Variants in NLGN1 observed in about 807,000 individuals in gnomAD.
The protein encoded by NLGN1 is neuroligin-1.
A neutral mutation model predicts 65.5 loss-of-function variants in NLGN1; 12 were observed. That is an observed-to-expected ratio of 0.18 (90% confidence interval 0.12 to 0.30). The LOEUF is 0.30. Ranked by LOEUF, NLGN1 falls within the 10% of genes least tolerant of loss-of-function variation. The pLI is 1.00. For missense variants in NLGN1, 750 were observed against 1,007.1 expected (o/e 0.74, Z 3.46); for synonymous variants, 350 against 359.5 (o/e 0.97, Z 0.30).
intron 4 of NLGN1, among the ~76,000 whole-genome samples, chr3:173,865,607 G>T (rs1241148855): frequency 6.6e-6 from 1 of 152,072 alleles, no homozygotes; most frequent in Non-Finnish European, 1.5e-5. Context: ...ACTTGATCAA[G>T]ATTACCCAGC....
intron 4 of NLGN1, among the ~76,000 whole-genome samples, chr3:174,036,032 A>G (rs1731069636): frequency 1.3e-5 from 2 of 152,204 alleles, no homozygotes; most frequent in South Asian, 4.1e-4. Context: ...ATAAAGAGAT[A>G]GATGGTATCT....
intron 2 of NLGN1, among the ~76,000 whole-genome samples, chr3:173,595,340 A>G (rs546092642): frequency 1.3e-5 from 2 of 152,310 alleles, no homozygotes; most frequent in Non-Finnish European, 1.5e-5. Context: ...TCTCCAGGGC[A>G]GAAGCAAAAT....
chr3:174,065,922 C>T (rs1738447738), intron 4 of NLGN1, among the ~76,000 whole-genome samples: 1 of 152,018 alleles, frequency 6.6e-6, no homozygotes, highest in South Asian at 2.1e-4. Flanking sequence ...CTGAATCTTG[C>T]CAACAATCAC....
At chr3:173,415,943 A>AGAGAGAGAGAGAGCGCGC (rs141095727) in intron 1 of NLGN1, among the ~76,000 whole-genome samples, 27 of 142,866 alleles carry the variant, frequency 1.9e-4, no homozygotes, top group African/African-American at 7.3e-4. Context: ...AGAGAGAGAG[A>AGAGAGAGAGAGAGCGCGC]GCTTGGTATA....
At chr3:173,457,025 T>G (rs779630841) in intron 2 of NLGN1, among the ~76,000 whole-genome samples, 1 of 152,106 alleles carries the variant, frequency 6.6e-6, no homozygotes, top group Admixed American at 6.6e-5. Context: ...TTTTGCATCT[T>G]CTAGCATTAC....
chr3:173,826,421 A>G (rs1721348949), intron 4 of NLGN1, among the ~76,000 whole-genome samples: 1 of 152,076 alleles, frequency 6.6e-6, no homozygotes, highest in Non-Finnish European at 1.5e-5. Context: ...CTTAACTGCA[A>G]CAGGACTGGG....
At chr3:173,847,101 A>G (rs1411232847) in intron 4 of NLGN1, among the ~76,000 whole-genome samples, 2 of 152,336 alleles carry the variant, frequency 1.3e-5, no homozygotes, top group East Asian at 1.9e-4. Flanking sequence ...TGAAAAGTAT[A>G]TAAAAGATGC....
intron 1 of NLGN1, among the ~76,000 whole-genome samples, chr3:173,414,169 T>C (rs1355355617): frequency 6.6e-6 from 1 of 152,206 alleles, no homozygotes; most frequent in Non-Finnish European, 1.5e-5. Context: ...TCACATCTTG[T>C]TATTTCAAGC....
At chr3:173,688,224 G>A (rs1378988562) in intron 3 of NLGN1, among the ~76,000 whole-genome samples, 7 of 152,120 alleles carry the variant, frequency 4.6e-5, no homozygotes, top group African/African-American at 1.4e-4. Flanking sequence ...TTTGTAAACC[G>A]TTAAGCCAAT....
intron 4 of NLGN1, among the ~76,000 whole-genome samples, chr3:173,926,302 T>A (rs1307760712): frequency 6.6e-6 from 1 of 152,194 alleles, no homozygotes; most frequent in Non-Finnish European, 1.5e-5. Context: ...CTAATTATGA[T>A]TTAAGTATAC....
chr3:174,078,802 T>C (rs894188372), intron 4 of NLGN1, among the ~76,000 whole-genome samples: 2 of 152,186 alleles, frequency 1.3e-5, no homozygotes, highest in Admixed American at 6.5e-5. Context: ...AGAAGAAACA[T>C]TGGATTTGTT....
intron 4 of NLGN1, among the ~76,000 whole-genome samples, chr3:173,857,375 G>A (rs560920069): frequency 2.2e-4 from 33 of 152,120 alleles, no homozygotes; most frequent in African/African-American, 7.9e-4. Context: ...CAGCTTCATG[G>A]TTTGTACAGA....
chr3:174,189,343 G>A (rs1731969659), intron 4 of NLGN1, among the ~76,000 whole-genome samples: 1 of 151,932 alleles, frequency 6.6e-6, no homozygotes, highest in African/African-American at 2.4e-5. Context: ...GGTGAGCATA[G>A]CTCCAGTGTT....
At chr3:174,065,095 T>C (rs944182318) in intron 4 of NLGN1, among the ~76,000 whole-genome samples, 13 of 152,002 alleles carry the variant, frequency 8.6e-5, no homozygotes, top group Non-Finnish European at 1.6e-4. Flanking sequence ...ATACACTTTT[T>C]ATTTTCTTAT....
At chr3:174,118,685 A>G (rs1381174166) in intron 4 of NLGN1, among the ~76,000 whole-genome samples, 16 of 152,132 alleles carry the variant, frequency 1.1e-4, no homozygotes, top group Admixed American at 1.0e-3. Context: ...AGGAGTAGGA[A>G]GAAGGAGGTT....
intron 2 of NLGN1, among the ~76,000 whole-genome samples, chr3:173,437,485 C>T (rs569009): frequency 0.16 from 24,093 of 152,154 alleles, 2,312 homozygotes; most frequent in African/African-American, 0.26. Context: ...CTCCTGTGTG[C>T]AGCCCCTTGC....
At chr3:173,770,964 A>G (rs1335896835) in intron 3 of NLGN1, among the ~76,000 whole-genome samples, 1 of 152,196 alleles carries the variant, frequency 6.6e-6, no homozygotes, top group Non-Finnish European at 1.5e-5. Flanking sequence ...TATTCAGCTT[A>G]TAAAGCAGAA....
rs139629517 is a variant in NLGN1 at position 174,238,360 on chromosome 3, CT to C, written c.647-36945del. Among the ~76,000 whole-genome samples the C allele has an allele frequency of 1.8e-4, 26 of 147,552 alleles. No individual in the cohort carries two copies. The South Asian group carries it at 2.1e-3, about 12-fold the overall frequency. On this transcript the variant is annotated intron_variant, in intron 4 of 6. Coordinates refer to ENST00000457714, the Ensembl canonical transcript of NLGN1. The stretch of plus-strand genomic sequence containing the variant: ...ATCATTTCTTCACTATTATGAAGTT[CT>C]TTTTTTTTTGTTGTTTGTTTGAGAT...
intron 3 of NLGN1, among the ~76,000 whole-genome samples, chr3:173,663,700 C>T (rs1761288448): frequency 6.6e-6 from 1 of 151,910 alleles, no homozygotes; most frequent in Admixed American, 6.6e-5. Context: ...GAACAGTTTT[C>T]AACATGCTTT....
Sources: gnomAD v4.1 joint callset for allele counts (sites outside exome capture counted in the v4.1 genomes callset) on GRCh38, gnomAD v4.1.1 for gene constraint, MANE v1.5 for transcripts, NCBI Gene and HGNC (gene_info 2026-07-23, HGNC 2026-07-21) for gene names.